Variants in IQSEC3 observed in about 807,000 individuals in gnomAD.
The protein encoded by IQSEC3 is IQ motif and Sec7 domain ArfGEF 3.
A neutral mutation model predicts 105.4 loss-of-function variants in IQSEC3; 50 were observed. The observed-to-expected ratio is 0.47, with a 90% confidence interval of 0.38 to 0.60. The LOEUF (loss-of-function observed/expected upper bound fraction) is 0.60, where lower values mean the gene tolerates loss of function less well. IQSEC3 is among the 20% of genes least tolerant of loss of function. The pLI is 0.00. For missense variants in IQSEC3, 1,415 were observed against 1,630.0 expected (o/e 0.87, Z 2.27); for synonymous variants, 708 against 746.0 (o/e 0.95, Z 0.83).
rs906862361 is a variant in IQSEC3 at position 177,508 on chromosome 12, G to A, written c.*2475G>A. On this transcript the variant is annotated 3_prime_UTR_variant, in exon 14 of 14. Coordinates refer to ENST00000538872, the MANE Select transcript of IQSEC3 (RefSeq NM_001170738.2). The surrounding 1 kb of genome is among the most constrained non-coding windows in gnomAD (Gnocchi z 5.3). ...CCCAGGGCAGAGGCCCACCCCGTGG[G>A]TTGGTGCAGTGGCTGCCCTGGGCTC... 1.3e-5 allele frequency: 2 copies of A among 152,308 alleles called. No individual in the cohort carries two copies. The highest frequency in any genetic ancestry group is 4.8e-5 in the African/African-American group (2 of 41,448). 9.4% of individuals were successfully genotyped at this position (152,308 alleles called of 1,614,324 possible).
At chr12:83,169 G>C (rs1213394084) in intron 1 of IQSEC3, among the ~76,000 whole-genome samples, 3 of 152,214 alleles carry the variant, frequency 2.0e-5, no homozygotes, top group African/African-American at 7.2e-5. Flanking sequence ...GAGGGCAGCT[G>C]AGCGTGGCAT....
At position 138,033 on chromosome 12, in the gene IQSEC3, C is replaced by G. The variant is rs536500788; in HGVS notation, c.904-234C>G. 6.6e-6 allele frequency among the ~76,000 whole-genome samples: 1 copy of G among 152,230 alleles called. No homozygotes were observed. Among genetic ancestry groups the G allele is most frequent in the Admixed American group, 6.5e-5 (1 of 15,294 alleles). On this transcript the variant is annotated intron_variant, in intron 3 of 13. Coordinates refer to ENST00000538872, the MANE Select transcript of IQSEC3 (RefSeq NM_001170738.2). The surrounding 1 kb of genome is among the most constrained non-coding windows in gnomAD (Gnocchi z 7.1). The stretch of plus-strand genomic sequence containing the variant: ...CATATGCAGCACCTCCCTCCTGGCC[C>G]TTGAGACATCACTAGTCCCCAGAAC...
intron 1 of IQSEC3, among the ~76,000 whole-genome samples, chr12:75,579 T>C (rs1284217321): frequency 2.5e-4 from 38 of 152,336 alleles, no homozygotes; most frequent in African/African-American, 8.9e-4. Flanking sequence ...GTCACATGAC[T>C]CTGTTGGGGT....
intron 1 of IQSEC3, among the ~76,000 whole-genome samples, chr12:94,023 A>G (rs558753272): frequency 2.0e-5 from 3 of 152,148 alleles, no homozygotes; most frequent in African/African-American, 7.2e-5. Flanking sequence ...AGCCAAATAA[A>G]CCTCTTTTCT....
At position 174,686 on chromosome 12, in the gene IQSEC3, C is replaced by A; in HGVS notation, c.3202C>A (p.Gln1068Lys). Residue 1068 changes from glutamine (Q) to lysine (K), a missense_variant, in exon 14 of 14, where the codon CAG becomes AAG. Gln to Lys is a moderately conservative substitution (Grantham distance 53, BLOSUM62 1). This residue lies in a region of IQSEC3 where 419 missense variants were observed against 436.2 expected (regional missense o/e 0.96). Coordinates refer to ENST00000538872, the MANE Select transcript of IQSEC3 (RefSeq NM_001170738.2). ...AGCGCCGGTGCCGCCGCCAGACCTGCAGCCTAGCCCCCCGAGACAGCAGAC... is the reference window on the plus strand; with the variant it reads ...AGCGCCGGTGCCGCCGCCAGACCTGAAGCCTAGCCCCCCGAGACAGCAGAC... ...RGAPVPPPDL[Q>K]PSPPRQQTPP... 6.3e-7 allele frequency: 1 copy of A among 1,592,294 alleles called. No individual in the cohort carries two copies. Among genetic ancestry groups the A allele is most frequent in the South Asian group, 1.1e-5 (1 of 90,046 alleles).
chr12:85,279 C>A (rs946580846), intron 1 of IQSEC3, among the ~76,000 whole-genome samples: 2 of 152,230 alleles, frequency 1.3e-5, no homozygotes, highest in African/African-American at 4.8e-5. Flanking sequence ...AGCCTCAGAG[C>A]CTGGCAGAGG....
chr12:103,229 C>T (rs782205804), intron 2 of IQSEC3, among the ~76,000 whole-genome samples: 3 of 151,420 alleles, frequency 2.0e-5, no homozygotes, highest in Non-Finnish European at 4.4e-5. Context: ...GGCCAGCTGC[C>T]TCCCAGCATA....
chr12:144,384 G>C (rs1211346716), intron 5 of IQSEC3: 1 of 152,188 alleles, frequency 6.6e-6, no homozygotes, highest in African/African-American at 2.4e-5. Flanking sequence ...GCCCCCGCCT[G>C]GTGACATTCA....
chr12:126,655 C>G (rs782440948), intron 3 of IQSEC3, among the ~76,000 whole-genome samples: 1 of 152,032 alleles, frequency 6.6e-6, no homozygotes, highest in Non-Finnish European at 1.5e-5. Flanking sequence ...ATCCAGTCCT[C>G]GCTCTTCCTC....
rs561300554 is a variant in IQSEC3, at chr12:124,381, C to T, written c.624-1252C>T. On this transcript the variant is annotated intron_variant, in intron 2 of 13. Transcript: ENST00000538872. ...TCCAGCCTGGGCAACAAGAGTGAAA[C>T]TCCATCTCAAAAAAAAAAAAAAAAG... is the stretch of plus-strand genomic sequence containing the variant. 8.0e-3 allele frequency among the ~76,000 whole-genome samples: 948 copies of T among 118,022 alleles called. 12 individuals carry two copies. The highest frequency in any genetic ancestry group is 0.028 in the African/African-American group (884 of 31,660). 77.4% of individuals were successfully genotyped at this position (118,022 alleles called of 152,430 possible).
Position 139,079 on chromosome 12 carries a change from GGAGGAA to G in IQSEC3, c.1722_1727del (p.Glu578_Glu579del). ...ATGGGGCCACAGCCCCCAAAACAGAGGAGGAAGAGGAGGAGGAGGAGACGGCGGAGG... is the reference window on the plus strand; with the variant it reads ...ATGGGGCCACAGCCCCCAAAACAGAGGAGGAGGAGGAGGAGACGGCGGAGG... On this transcript the variant is annotated inframe_deletion, in exon 4 of 14. Coordinates refer to ENST00000538872, the MANE Select transcript of IQSEC3 (RefSeq NM_001170738.2). The G allele has an allele frequency of 2.0e-6, 3 of 1,490,986 alleles. No homozygotes were observed. Among genetic ancestry groups the G allele is most frequent in the Non-Finnish European group, 2.7e-6 (3 of 1,119,722 alleles). The allele number at this position is 1,490,986 out of a possible 1,614,324, so 92.4% of individuals were successfully genotyped here.
At chr12:105,133 GC>G (rs1260473039) in intron 2 of IQSEC3, among the ~76,000 whole-genome samples, 1 of 152,242 alleles carries the variant, frequency 6.6e-6, no homozygotes, top group African/African-American at 2.4e-5. Flanking sequence ...GGCCCACCCT[GC>G]CTGCCTGGCC....
chr12:156,527 A>G (rs1242615451), intron 5 of IQSEC3, among the ~76,000 whole-genome samples: 2 of 151,698 alleles, frequency 1.3e-5, no homozygotes, highest in African/African-American at 4.9e-5. Flanking sequence ...AGAAAGCCCC[A>G]GGGGCTTGAG....
intron 1 of IQSEC3, among the ~76,000 whole-genome samples, chr12:92,289 G>A (rs146302688): frequency 8.5e-5 from 13 of 152,324 alleles, no homozygotes; most frequent in African/African-American, 2.6e-4. Flanking sequence ...GCCAGAGACC[G>A]AGAATGACGA....
intron 2 of IQSEC3, chr12:106,750 C>G (rs111500381): frequency 6.6e-6 from 1 of 152,278 alleles, no homozygotes; most frequent in African/African-American, 2.4e-5. Flanking sequence ...GAAGAGTAAC[C>G]TTTGTAGGCG....
At chr12:157,882 G>A (rs543276023) in intron 7 of IQSEC3, among the ~76,000 whole-genome samples, 188 bp downstream of exon 7, 69 of 152,368 alleles carry the variant, frequency 4.5e-4, no homozygotes, top group African/African-American at 1.6e-3. Context: ...CATGCAGCCT[G>A]CCACCGCCAC....
rs892057860 is a variant in IQSEC3, at chr12:176,711, T to C, written c.*1678T>C. The C allele has an allele frequency of 7.2e-5, 11 of 152,424 alleles. No individual in the cohort carries two copies. Among genetic ancestry groups the C allele is most frequent in the African/African-American group, 1.9e-4 (8 of 41,566 alleles). 9.4% of individuals were successfully genotyped at this position (152,424 alleles called of 1,614,324 possible). On this transcript the variant is annotated 3_prime_UTR_variant, in exon 14 of 14. Transcript: ENST00000538872. This position sits in a 1 kb window ranked among gnomAD's most constrained non-coding sequence, Gnocchi z 4.0. ...CCTGTCTTCGTCGGCCCAGTTTCTG[T>C]AACTTGCAGCCAATTTGCCCTCTCC...
In IQSEC3 at chr12:165,593, G is replaced by A; in HGVS notation, c.2809+60G>A. On this transcript the variant is annotated intron_variant, in intron 10 of 13. Transcript: ENST00000538872. ...AGGAATGAATGGATGAAATGGCTGG[G>A]GCGAGTTGAGGGAGAAGGGCTGGAC... 23 of 1,549,558 alleles carry A rather than the reference G, an allele frequency of 1.5e-5. 1 individual carries two copies. The South Asian group carries it at 2.4e-4, about 16-fold the overall frequency.
intron 3 of IQSEC3, among the ~76,000 whole-genome samples, chr12:129,480 C>T (rs1865520314): frequency 6.6e-6 from 1 of 152,188 alleles, no homozygotes. Flanking sequence ...GACGGTCCTC[C>T]TGCCAGCTCT....
Sources: gnomAD v4.1 joint callset for allele counts (sites outside exome capture counted in the v4.1 genomes callset) on GRCh38, gnomAD v4.1.1 for gene constraint, gnomAD v4.1.1 regional missense constraint, Gnocchi (gnomAD v3.1) non-coding constraint, MANE v1.5 for transcripts, NCBI Gene and HGNC (gene_info 2026-07-23, HGNC 2026-07-21) for gene names.